PON2: variants seen among roughly 807,000 people sequenced by gnomAD.
PON2 encodes paraoxonase 2, also known as serum paraoxonase/arylesterase 2.
PON2 carries 27 observed loss-of-function variants against 36.6 expected under a neutral mutation model. The ratio of observed to expected loss-of-function variants is 0.74; its 90% CI spans 0.54 to 1.02. PON2 has a LOEUF of 1.02. PON2 is among the 50% of genes least tolerant of loss of function. The probability of loss-of-function intolerance (pLI) is 0.00; values close to 1 mark genes in which losing one functional copy is unlikely to be tolerated. For synonymous variants in PON2, 149 were observed against 156.3 expected, an observed-to-expected ratio of 0.95 and a Z score of 0.35; for missense variants, 363 against 421.1, an observed-to-expected ratio of 0.86 and a Z score of 1.21.
In PON2 at chr7:95,409,998, G is replaced by T. The variant is rs200834225; in HGVS notation, c.598C>A (p.His200Asn). Residue 200 changes from histidine (H) to asparagine (N), a missense_variant, in exon 6 of 9, where the codon CAC (histidine) becomes AAC (asparagine). Physicochemically the swap from His to Asn is moderately conservative, Grantham distance 68 (BLOSUM62 1). Coordinates refer to ENST00000222572, the MANE Select transcript of PON2 (RefSeq NM_000305.3). Reference protein sequence around the residue: ...LKYLETYLNLHWANVVYYSPN... With the variant: ...LKYLETYLNLNWANVVYYSPN... Reference sequence around the variant, plus strand: ...CTGTAGTAAACAACATTTGCCCAGTGTAAGTTCAAGTATGTTTCTAAATAC... The same window carrying T: ...CTGTAGTAAACAACATTTGCCCAGTTTAAGTTCAAGTATGTTTCTAAATAC... 9.1e-5 allele frequency: 147 copies of T among 1,613,692 alleles called. No homozygotes were observed. The Admixed American group carries it at 2.4e-3, about 27-fold the overall frequency.
In PON2 at chr7:95,405,072, A is replaced by C. The variant is rs758183999; in HGVS notation, c.*258T>G. 11 of 416,742 alleles carry C rather than the reference A, an allele frequency of 2.6e-5. No individual in the cohort carries two copies. Among genetic ancestry groups the C allele is most frequent in the South Asian group, 7.7e-5 (3 of 38,742 alleles). The allele number at this position is 416,742 out of a possible 1,614,324, so 25.8% of individuals were successfully genotyped here. Reference sequence around the variant, plus strand: ...CAGTTGGAAGGCAAAGGTGAGGCTTACTTTGTGCAAAATGTATTCACTTTA... The same window carrying C: ...CAGTTGGAAGGCAAAGGTGAGGCTTCCTTTGTGCAAAATGTATTCACTTTA... On this transcript the variant is annotated 3_prime_UTR_variant, in exon 9 of 9. Coordinates refer to ENST00000222572, the MANE Select transcript of PON2 (RefSeq NM_000305.3).
At chr7:95,406,002 A>C in intron 8 of PON2, 117 bp downstream of exon 8, 1 of 1,218,814 alleles carries the variant, frequency 8.2e-7, no homozygotes, top group Non-Finnish European at 1.2e-6. Flanking sequence ...CCACGACATA[A>C]GCTTATTATA....
intron 2 of PON2, among the ~76,000 whole-genome samples, chr7:95,417,116 T>C (rs898614025): frequency 9.8e-5 from 15 of 152,332 alleles, no homozygotes; most frequent in African/African-American, 3.6e-4. Flanking sequence ...ACACATTCTT[T>C]GAGTCTACAA....
chr7:95,416,615 T>C (rs1004671810), intron 2 of PON2, among the ~76,000 whole-genome samples: 2 of 152,178 alleles, frequency 1.3e-5, no homozygotes, highest in Non-Finnish European at 2.9e-5. Flanking sequence ...ATAAAAGTAA[T>C]TGACATCAGG....
Position 95,406,194 on chromosome 7 carries a change from C to T in PON2, c.831G>A (p.Gly277=). The T allele has an allele frequency of 6.2e-7, 1 of 1,612,570 alleles. No homozygotes were observed. The highest frequency in any genetic ancestry group is 8.5e-7 in the Non-Finnish European group (1 of 1,178,684). The part of the protein sequence containing the change: ...VDNLSIDPSS[G]DIWVGCHPNG... ...TAGGATGACAGCCTACCCAGATGTC[C>T]CCCGAGGAAGGATCAATAGATAAAT... Residue 277 remains glycine (G), a synonymous_variant, in exon 8 of 9, where the codon GGG becomes GGA. Coordinates refer to ENST00000222572, the MANE Select transcript of PON2 (RefSeq NM_000305.3).
At chr7:95,427,795 G>A (rs890831698) in intron 1 of PON2, among the ~76,000 whole-genome samples, 1 of 152,094 alleles carries the variant, frequency 6.6e-6, no homozygotes, top group Admixed American at 6.6e-5. Context: ...GCTGGCATCA[G>A]ATTTAAGAAC....
At chr7:95,416,868 A>T (rs1241041483) in intron 2 of PON2, among the ~76,000 whole-genome samples, 1 of 152,192 alleles carries the variant, frequency 6.6e-6, no homozygotes, top group African/African-American at 2.4e-5. Context: ...AGCAGAAGAA[A>T]ATTAATGAAA....
At chr7:95,434,812 C>G (rs76231859) in intron 1 of PON2, 66 bp downstream of exon 1, 1 of 1,509,020 alleles carries the variant, frequency 6.6e-7, no homozygotes, top group Non-Finnish European at 8.9e-7. Context: ...CTGCGCCCTC[C>G]CCGCACCACG....
At chr7:95,411,233 A>G (rs1447694603) in intron 5 of PON2, among the ~76,000 whole-genome samples, 4 of 152,158 alleles carry the variant, frequency 2.6e-5, no homozygotes, top group Non-Finnish European at 5.9e-5. Context: ...ATAAAGTCCC[A>G]TGCAAAGCAT....
intron 1 of PON2, among the ~76,000 whole-genome samples, chr7:95,431,450 TTCTC>T (rs1241720695): frequency 6.6e-6 from 1 of 151,890 alleles, no homozygotes; most frequent in Non-Finnish European, 1.5e-5. Flanking sequence ...GAGGGAGTCT[TTCTC>T]TGTTGTCCAG....
At chr7:95,426,000 A>G (rs935423042) in intron 1 of PON2, among the ~76,000 whole-genome samples, 3 of 152,178 alleles carry the variant, frequency 2.0e-5, no homozygotes, top group African/African-American at 7.2e-5. Flanking sequence ...AAAATAAGCT[A>G]GAAAACCAAA....
rs1264582359 is a variant in PON2 at position 95,406,115 on chromosome 7, A to G, written c.906+4T>C. The G allele has an allele frequency of 6.2e-7, 1 of 1,613,294 alleles. No individual in the cohort carries two copies. ...TAAGTTTAAAAAACTGAAAATATAAAAACCTCTGACGAGGGAGGATTGTTC... is the reference window on the plus strand; with the variant it reads ...TAAGTTTAAAAAACTGAAAATATAAGAACCTCTGACGAGGGAGGATTGTTC... On this transcript the variant is annotated splice_donor_region_variant and intron_variant, in intron 8 of 8. Coordinates refer to ENST00000222572, the MANE Select transcript of PON2 (RefSeq NM_000305.3).
At chr7:95,422,822 T>C (rs2116492143) in intron 2 of PON2, among the ~76,000 whole-genome samples, 1 of 152,308 alleles carries the variant, frequency 6.6e-6, no homozygotes, top group East Asian at 1.9e-4. Context: ...TTCCACACTG[T>C]GGCTCTCAGA....
intron 1 of PON2, among the ~76,000 whole-genome samples, chr7:95,427,476 A>C (rs1009848809): frequency 6.6e-6 from 1 of 152,180 alleles, no homozygotes; most frequent in Non-Finnish European, 1.5e-5. Flanking sequence ...TACAAAGGAG[A>C]GTCACGAGAA....
intron 2 of PON2, among the ~76,000 whole-genome samples, chr7:95,420,121 A>G (rs529316136): frequency 6.3e-5 from 9 of 143,618 alleles, no homozygotes; most frequent in Non-Finnish European, 1.2e-4. Flanking sequence ...AAGAAAAGAC[A>G]TATCTATATC....
At chr7:95,422,367 TG>T (rs773334684) in intron 2 of PON2, among the ~76,000 whole-genome samples, 3 of 152,188 alleles carry the variant, frequency 2.0e-5, no homozygotes, top group Non-Finnish European at 2.9e-5. Context: ...TTATTTCTGT[TG>T]GGGGTGATGA....
chr7:95,426,106 G>C (rs1475182611), intron 1 of PON2, among the ~76,000 whole-genome samples: 1 of 152,020 alleles, frequency 6.6e-6, no homozygotes, highest in Non-Finnish European at 1.5e-5. Flanking sequence ...GAAGGGGAAG[G>C]GAAGGGAGTA....
chr7:95,433,571 T>C (rs1421479375), intron 1 of PON2, among the ~76,000 whole-genome samples: 1 of 151,830 alleles, frequency 6.6e-6, no homozygotes, highest in East Asian at 1.9e-4. Flanking sequence ...CACCAATATT[T>C]CCCTTTTGAA....
intron 3 of PON2, chr7:95,412,776 T>C (rs1488777143): frequency 7.2e-6 from 3 of 414,168 alleles, no homozygotes; most frequent in Non-Finnish European, 1.3e-5. Flanking sequence ...GACATCTACA[T>C]ACTGACTGTG....
Sources: allele counts gnomAD v4.1 joint callset (sites outside exome capture counted in the v4.1 genomes callset), GRCh38; gene constraint gnomAD v4.1.1; transcripts MANE v1.5; gene names NCBI Gene and HGNC (gene_info 2026-07-23, HGNC 2026-07-21).